Variants in OR2L13 observed in about 807,000 individuals in gnomAD.
The protein encoded by OR2L13 is olfactory receptor family 2 subfamily L member 13.
Under a neutral mutation model 15.3 loss-of-function variants are expected in OR2L13, and 14 were observed. The observed-to-expected ratio is 0.91, with a 90% confidence interval of 0.60 to 1.43. The LOEUF is 1.43. Among genes scored for constraint, OR2L13 ranks in the 40% most tolerant of loss-of-function variants. OR2L13 has a pLI of 0.00. For synonymous variants in OR2L13, 152 were observed against 142.9 expected, an observed-to-expected ratio of 1.06 and a Z score of -0.45; for missense variants, 367 against 387.9, an observed-to-expected ratio of 0.95 and a Z score of 0.45.
chr1:247,965,921 C>T, the OR2L13 span: 1 of 1,611,808 alleles, frequency 6.2e-7, no homozygotes, highest in Non-Finnish European at 8.5e-7. Context: ...TGTGAAGTTC[C>T]AGCTCTACTA....
chr1:247,995,956 C>T, the OR2L13 span, among the ~76,000 whole-genome samples: 1 of 152,176 alleles, frequency 6.6e-6, no homozygotes, highest in Non-Finnish European at 1.5e-5. Context: ...GCAGAGTCTT[C>T]ATCTCCCTGT....
At chr1:248,072,617 A>C in the OR2L13 span, among the ~76,000 whole-genome samples, 1 of 152,130 alleles carries the variant, frequency 6.6e-6, no homozygotes, top group South Asian at 2.1e-4. Context: ...AAAAGCCAAA[A>C]TTGACAAATG....
chr1:248,085,837 C>T, the OR2L13 span, among the ~76,000 whole-genome samples: 61 of 152,256 alleles, frequency 4.0e-4, no homozygotes, highest in Middle Eastern at 6.8e-3. Context: ...TCATAAGGAG[C>T]ATGCGATCTA....
chr1:248,052,959 G>A, the OR2L13 span, among the ~76,000 whole-genome samples: 1 of 151,490 alleles, frequency 6.6e-6, no homozygotes, highest in African/African-American at 2.4e-5. Flanking sequence ...TTTATTGTTT[G>A]TTTTTAAGTT....
the OR2L13 span, among the ~76,000 whole-genome samples, chr1:248,010,189 T>G: frequency 0.011 from 1,689 of 152,152 alleles, 24 homozygotes; most frequent in African/African-American, 0.038. Context: ...GAGAAAGAAA[T>G]AAAGGGTATT....
At chr1:247,952,314 T>G in the OR2L13 span, among the ~76,000 whole-genome samples, 1 of 152,216 alleles carries the variant, frequency 6.6e-6, no homozygotes, top group East Asian at 1.9e-4. Flanking sequence ...TGTGATGGTC[T>G]GAGTGTTTGT....
At chr1:248,020,334 C>A in the OR2L13 span, among the ~76,000 whole-genome samples, 1 of 152,118 alleles carries the variant, frequency 6.6e-6, no homozygotes, top group South Asian at 2.1e-4. Flanking sequence ...ACCCTAAAGA[C>A]TCCTCCAGAA....
At chr1:247,991,069 A>G in the OR2L13 span, 4 of 1,580,768 alleles carry the variant, frequency 2.5e-6, no homozygotes, top group Non-Finnish European at 3.5e-6. Context: ...GCGATCTCCG[A>G]CAGAGGACAA....
At chr1:248,039,226 G>A in the OR2L13 span, 2 of 1,585,018 alleles carry the variant, frequency 1.3e-6, no homozygotes, top group African/African-American at 1.3e-5. Context: ...CTGTGTTAGA[G>A]TCAAAGCGCT....
At chr1:248,022,653 G>T in the OR2L13 span, 9 of 1,613,918 alleles carry the variant, frequency 5.6e-6, no homozygotes, top group Non-Finnish European at 6.8e-6. Flanking sequence ...GAGGAAAAAG[G>T]CCTATTCGAC....
the OR2L13 span, among the ~76,000 whole-genome samples, chr1:248,088,123 C>T: frequency 6.6e-6 from 1 of 152,056 alleles, no homozygotes; most frequent in Admixed American, 6.5e-5. Context: ...AATACCATAC[C>T]TATATTTAAC....
chr1:248,022,572 C>T, the OR2L13 span: 1 of 1,614,150 alleles, frequency 6.2e-7, no homozygotes, highest in East Asian at 2.2e-5. Context: ...TCTTGTGTTT[C>T]CCTTCACTGG....
chr1:248,030,799 C>T, the OR2L13 span, among the ~76,000 whole-genome samples: 6 of 152,072 alleles, frequency 3.9e-5, no homozygotes, highest in Admixed American at 6.5e-5. Flanking sequence ...AATGGAATCA[C>T]GGAACAATCC....
At chr1:247,982,572 A>G in the OR2L13 span, among the ~76,000 whole-genome samples, 1 of 152,322 alleles carries the variant, frequency 6.6e-6, no homozygotes. Context: ...GAATATGTAG[A>G]TCCTCAACTT....
At chr1:248,060,784 C>T in the OR2L13 span, 3 of 1,614,104 alleles carry the variant, frequency 1.9e-6, no homozygotes, top group Non-Finnish European at 2.5e-6. Flanking sequence ...TTTCATTTTC[C>T]TAATGGCTCT....
At chr1:247,952,582 C>T in the OR2L13 span, among the ~76,000 whole-genome samples, 121,320 of 151,976 alleles carry the variant, frequency 0.8, 52,608 homozygotes, top group South Asian at 0.95. Context: ...AATCTTCAGG[C>T]ACTTTGTCTT....
the OR2L13 span, among the ~76,000 whole-genome samples, chr1:248,088,213 A>C: frequency 6.6e-6 from 1 of 152,246 alleles, no homozygotes; most frequent in African/African-American, 2.4e-5. Context: ...GAACATCTGA[A>C]TCACTCAGAA....
At chr1:248,022,034 CTT>C in the OR2L13 span, 1 of 1,613,966 alleles carries the variant, frequency 6.2e-7, no homozygotes, top group Non-Finnish European at 8.5e-7. Context: ...TCTTCATTCT[CTT>C]TGTTCTCATT....
At chr1:248,026,253 A>T in the OR2L13 span, among the ~76,000 whole-genome samples, 3 of 152,168 alleles carry the variant, frequency 2.0e-5, no homozygotes, top group African/African-American at 7.2e-5. Flanking sequence ...TCTGCAGTTG[A>T]CCCTTGAACA....
Sources: allele counts gnomAD v4.1 joint callset (sites outside exome capture counted in the v4.1 genomes callset), GRCh38; gene constraint gnomAD v4.1.1; transcripts MANE v1.5; gene names NCBI Gene and HGNC (gene_info 2026-07-23, HGNC 2026-07-21).